The following KSR2 variants were observed in gnomAD, a reference collection of about 807,000 sequenced individuals.
KSR2 encodes the protein kinase suppressor of ras 2.
In KSR2, 25 loss-of-function variants were observed where a neutral mutation model predicts 107.8. That is an observed-to-expected ratio of 0.23 (90% CI 0.17 to 0.32). KSR2 has a LOEUF of 0.32. KSR2 is among the 10% of genes least tolerant of loss of function. The pLI is 1.00. For missense variants in KSR2, 887 were observed against 1,268.9 expected, an observed-to-expected ratio of 0.70 and a Z score of 4.57; for synonymous variants, 480 against 507.0, an observed-to-expected ratio of 0.95 and a Z score of 0.71.
At chr12:117,745,100 G>A (rs1888359158) in intron 4 of KSR2, among the ~76,000 whole-genome samples, 1 of 152,124 alleles carries the variant, frequency 6.6e-6, no homozygotes. Context: ...CAGGAAGGGT[G>A]AAAAGAGGAG....
intron 1 of KSR2, among the ~76,000 whole-genome samples, chr12:117,962,134 G>C (rs1246459201): frequency 1.6e-5 from 2 of 122,486 alleles, no homozygotes; most frequent in Non-Finnish European, 3.2e-5. Context: ...GACAGAGCAA[G>C]ACCCTGTCTC....
At chr12:117,517,918 G>A (rs1592948369) in intron 14 of KSR2, 1 of 454,532 alleles carries the variant, frequency 2.2e-6, no homozygotes, top group Non-Finnish European at 4.4e-6. Flanking sequence ...AGTTGATGGA[G>A]TTACCACCTT....
At chr12:117,757,290 T>C (rs1888832396) in intron 4 of KSR2, among the ~76,000 whole-genome samples, 1 of 152,184 alleles carries the variant, frequency 6.6e-6, no homozygotes, top group Non-Finnish European at 1.5e-5. Context: ...AAGATATAAC[T>C]GAATTGTTGC....
chr12:117,591,443 T>C (rs1240116554), intron 5 of KSR2, among the ~76,000 whole-genome samples: 1 of 152,026 alleles, frequency 6.6e-6, no homozygotes, highest in African/African-American at 2.4e-5. Flanking sequence ...GGGAGTCTTC[T>C]CTCTAAGTTA....
intron 3 of KSR2, among the ~76,000 whole-genome samples, chr12:117,816,389 G>C (rs1336944972): frequency 1.3e-5 from 2 of 152,162 alleles, no homozygotes; most frequent in Non-Finnish European, 2.9e-5. Flanking sequence ...TCATGGTGCA[G>C]AGACAAACTA....
intron 4 of KSR2, among the ~76,000 whole-genome samples, chr12:117,702,610 G>C (rs1269963773): frequency 1.3e-5 from 2 of 152,182 alleles, no homozygotes; most frequent in East Asian, 3.9e-4. Context: ...AGTGCCTATG[G>C]ATGGTGTCAA....
At chr12:117,661,581 TA>T (rs1401931208) in intron 5 of KSR2, among the ~76,000 whole-genome samples, 1 of 151,998 alleles carries the variant, frequency 6.6e-6, no homozygotes, top group South Asian at 2.1e-4. Context: ...ATGAAAGCTT[TA>T]AAAAAAACTG....
At chr12:117,489,379 CA>C (rs1872631165) in intron 14 of KSR2, among the ~76,000 whole-genome samples, 1 of 151,896 alleles carries the variant, frequency 6.6e-6, no homozygotes, top group African/African-American at 2.4e-5. Context: ...CCCAATTCTA[CA>C]AAGGATACAC....
At chr12:117,740,673 A>T (rs1888185722) in intron 4 of KSR2, among the ~76,000 whole-genome samples, 1 of 137,780 alleles carries the variant, frequency 7.3e-6, no homozygotes, top group African/African-American at 2.6e-5. Flanking sequence ...AATATATATA[A>T]TATATATACA....
intron 4 of KSR2, among the ~76,000 whole-genome samples, chr12:117,753,862 A>G (rs1317675236): frequency 6.6e-6 from 1 of 151,758 alleles, no homozygotes; most frequent in Non-Finnish European, 1.5e-5. Context: ...ATCAGCACAT[A>G]TTTCCCACTG....
intron 2 of KSR2, among the ~76,000 whole-genome samples, chr12:117,859,357 G>C (rs974941094): frequency 2.6e-5 from 4 of 151,780 alleles, no homozygotes; most frequent in South Asian, 2.1e-4. Flanking sequence ...TGTTGGCCAG[G>C]CTGGCCTCAA....
chr12:117,635,525 T>C (rs1271434195), intron 5 of KSR2, among the ~76,000 whole-genome samples: 1 of 152,184 alleles, frequency 6.6e-6, no homozygotes, highest in Non-Finnish European at 1.5e-5. Flanking sequence ...TTAAGATACA[T>C]GGTTTAAACC....
At chr12:117,727,029 A>G (rs2136708551) in intron 4 of KSR2, among the ~76,000 whole-genome samples, 1 of 152,260 alleles carries the variant, frequency 6.6e-6, no homozygotes, top group South Asian at 2.1e-4. Context: ...GATATAATCA[A>G]GTTAAGGTCA....
Position 117,525,020 on chromosome 12 carries a change from C to T in KSR2, c.2051G>A (p.Arg684His), listed in dbSNP as rs759297631. Residue 684 changes from arginine to histidine, a missense_variant, in exon 14 of 20, where the codon CGC (arginine) becomes CAC (histidine). Transcript: ENST00000339824. ...CCGGATGGCCACCTCGCCATGCCAG[C>T]GGCCGTGGTACACTTGCCCAAAGCG... ...KGRFGQVYHG[R>H]WHGEVAIRLI... The T allele has an allele frequency of 7.4e-6, 12 of 1,613,824 alleles. No individual in the cohort carries two copies. The highest frequency in any genetic ancestry group is 1.3e-5 in the African/African-American group (1 of 74,922).
rs5801257 is a variant in KSR2, at chr12:117,861,378, C to CTTTTTTT, written c.181-954_181-948dup. On this transcript the variant is annotated intron_variant, in intron 1 of 19. Transcript: ENST00000339824. ...TCTGTCCACAAGGACTCCCAATTCG[C>CTTTTTTT]TTTTTTTTTTTTTTTTTTTTTTTTT... Among the ~76,000 whole-genome samples, 9 of 81,682 alleles carry CTTTTTTT rather than the reference C, an allele frequency of 1.1e-4. 2 individuals are homozygous for CTTTTTTT. The highest frequency in any genetic ancestry group is 3.4e-4 in the African/African-American group (6 of 17,572). The allele number at this position is 81,682 out of a possible 152,430, so 53.6% of individuals were successfully genotyped here.
chr12:117,796,367 G>A (rs779810689), intron 3 of KSR2, among the ~76,000 whole-genome samples: 8 of 152,156 alleles, frequency 5.3e-5, no homozygotes, highest in South Asian at 2.1e-4. Flanking sequence ...AGGACTAAAC[G>A]AAATGATCTC....
chr12:117,595,013 T>C (rs934975569), intron 5 of KSR2, among the ~76,000 whole-genome samples: 21 of 152,150 alleles, frequency 1.4e-4, no homozygotes, highest in Admixed American at 6.5e-5. Context: ...CATCGCCTGA[T>C]ACAATCCATT....
chr12:117,684,970 C>A (rs1332338373), intron 4 of KSR2, among the ~76,000 whole-genome samples: 2 of 152,144 alleles, frequency 1.3e-5, no homozygotes, highest in African/African-American at 4.8e-5. Flanking sequence ...TCAGGGTTAG[C>A]CAAGGAGAAT....
chr12:117,548,511 A>G (rs899901905), intron 9 of KSR2, among the ~76,000 whole-genome samples: 2 of 152,216 alleles, frequency 1.3e-5, no homozygotes, highest in African/African-American at 4.8e-5. Flanking sequence ...CATAGAACAT[A>G]CAAAATACAT....
Sources: allele counts gnomAD v4.1 joint callset (sites outside exome capture counted in the v4.1 genomes callset), GRCh38; gene constraint gnomAD v4.1.1; transcripts MANE v1.5; gene names NCBI Gene and HGNC (gene_info 2026-07-23, HGNC 2026-07-21).